GSK3B: variants seen among roughly 807,000 people sequenced by gnomAD.
The protein encoded by GSK3B is glycogen synthase kinase-3 beta.
A neutral mutation model predicts 56.4 loss-of-function variants in GSK3B; 15 were observed. That is an observed-to-expected ratio of 0.27 (90% CI 0.18 to 0.41). GSK3B has a LOEUF of 0.41. GSK3B is among the 10% of genes least tolerant of loss of function. GSK3B has a pLI of 1.00. For synonymous variants in GSK3B, 181 were observed against 188.9 expected (o/e 0.96, Z 0.34); for missense variants, 300 against 513.4 (o/e 0.58, Z 4.02).
intron 3 of GSK3B, among the ~76,000 whole-genome samples, chr3:119,940,095 AGTGTGTGTGTGTGTTTGTGTGT>A (rs1436486365): frequency 7.5e-6 from 1 of 133,880 alleles, no homozygotes; most frequent in Non-Finnish European, 1.5e-5. Context: ...CAGTAACAAA[AGTGTGTGTGTGTGTTTGTGTGT>A]GTGTGTGTGT....
chr3:120,018,531 G>GTTAA (rs1160758009), intron 1 of GSK3B, among the ~76,000 whole-genome samples: 1 of 152,148 alleles, frequency 6.6e-6, no homozygotes, highest in African/African-American at 2.4e-5. Context: ...AGACTGTGTA[G>GTTAA]TATTAAAAAC....
intron 2 of GSK3B, among the ~76,000 whole-genome samples, chr3:119,972,924 A>C (rs2057380560): frequency 6.6e-6 from 1 of 152,178 alleles, no homozygotes; most frequent in Admixed American, 6.6e-5. Context: ...TGTTTGTCTA[A>C]ATAATAGTTT....
intron 8 of GSK3B, among the ~76,000 whole-genome samples, chr3:119,869,805 C>T (rs1577327712): frequency 6.6e-6 from 1 of 152,268 alleles, no homozygotes; most frequent in Middle Eastern, 3.4e-3. Flanking sequence ...TTTCTAAGCA[C>T]CTACTAACGA....
At chr3:119,974,679 C>T (rs1197043127) in intron 2 of GSK3B, among the ~76,000 whole-genome samples, 1 of 152,142 alleles carries the variant, frequency 6.6e-6, no homozygotes, top group Non-Finnish European at 1.5e-5. Flanking sequence ...GAACAGATAC[C>T]TCATCAAAAG....
At chr3:119,840,834 G>C (rs1162390826) in intron 10 of GSK3B, among the ~76,000 whole-genome samples, 1 of 152,180 alleles carries the variant, frequency 6.6e-6, no homozygotes, top group Non-Finnish European at 1.5e-5. Context: ...TTCATTTACT[G>C]TATCTCTTTC....
At chr3:119,882,197 A>C (rs944178814) in intron 7 of GSK3B, among the ~76,000 whole-genome samples, 9 of 152,086 alleles carry the variant, frequency 5.9e-5, no homozygotes, top group Admixed American at 5.2e-4. Flanking sequence ...TCCTAATAGA[A>C]GCAAATCTGT....
intron 1 of GSK3B, among the ~76,000 whole-genome samples, chr3:120,057,239 A>T (rs994899223): frequency 2.0e-5 from 3 of 152,238 alleles, no homozygotes; most frequent in Non-Finnish European, 2.9e-5. Context: ...AATTTTTTTT[A>T]AATTATAATA....
At chr3:120,011,035 C>T (rs2057774525) in intron 1 of GSK3B, among the ~76,000 whole-genome samples, 1 of 152,224 alleles carries the variant, frequency 6.6e-6, no homozygotes, top group South Asian at 2.1e-4. Context: ...TGCCACTGTA[C>T]TCCAGCCTGG....
chr3:119,837,371 T>C (rs1342272273), intron 10 of GSK3B, among the ~76,000 whole-genome samples: 2 of 151,480 alleles, frequency 1.3e-5, no homozygotes, highest in Non-Finnish European at 2.9e-5. Context: ...TTCACCATGT[T>C]GGCCAGGATG....
intron 1 of GSK3B, among the ~76,000 whole-genome samples, chr3:120,019,159 A>C (rs2057851526): frequency 6.6e-6 from 1 of 152,210 alleles, no homozygotes. Context: ...CATTCAAAAA[A>C]TATATTTTCT....
chr3:120,023,808 G>A (rs893855361), intron 1 of GSK3B, among the ~76,000 whole-genome samples: 2 of 152,136 alleles, frequency 1.3e-5, no homozygotes, highest in African/African-American at 2.4e-5. Context: ...GTCAAGAGCA[G>A]CCAATTTCAT....
chr3:119,854,067 CAT>C (rs1012588670), intron 9 of GSK3B, among the ~76,000 whole-genome samples: 26 of 151,790 alleles, frequency 1.7e-4, no homozygotes, highest in African/African-American at 6.0e-4. Context: ...TTGTCATAAA[CAT>C]GTTATTAATT....
intron 1 of GSK3B, among the ~76,000 whole-genome samples, chr3:120,074,969 G>A (rs749363836): frequency 6.6e-6 from 1 of 152,164 alleles, no homozygotes; most frequent in African/African-American, 2.4e-5. Flanking sequence ...CAGTATCTCT[G>A]ATGAACACTG....
At chr3:120,024,247 A>G (rs1278261570) in intron 1 of GSK3B, among the ~76,000 whole-genome samples, 13 of 152,100 alleles carry the variant, frequency 8.5e-5, no homozygotes, top group Non-Finnish European at 8.8e-5. Context: ...GAGGTGGGAG[A>G]ACTGCTTGAG....
chr3:119,910,478 A>T (rs1322526443), intron 6 of GSK3B, among the ~76,000 whole-genome samples: 1 of 143,672 alleles, frequency 7.0e-6, no homozygotes, highest in Non-Finnish European at 1.5e-5. Flanking sequence ...CTTTATTACT[A>T]AAAAAAAATG....
At chr3:119,896,203 C>A (rs1467345745) in intron 7 of GSK3B, among the ~76,000 whole-genome samples, 1 of 151,128 alleles carries the variant, frequency 6.6e-6, no homozygotes, top group Non-Finnish European at 1.5e-5. Flanking sequence ...TCTTTTCTTA[C>A]TAAATAAAAA....
At chr3:119,970,880 A>C (rs1239559361) in intron 2 of GSK3B, among the ~76,000 whole-genome samples, 3 of 152,196 alleles carry the variant, frequency 2.0e-5, no homozygotes, top group African/African-American at 4.8e-5. Flanking sequence ...CTATTTCTGT[A>C]AATACTCTGA....
At chr3:119,889,236 G>A (rs113737864) in intron 7 of GSK3B, among the ~76,000 whole-genome samples, 70 of 152,130 alleles carry the variant, frequency 4.6e-4, no homozygotes, top group African/African-American at 1.5e-3. Context: ...TGTCACCCCC[G>A]GAGGCCGAGC....
chr3:120,038,525 C>A (rs917859867), intron 1 of GSK3B, among the ~76,000 whole-genome samples: 4 of 151,628 alleles, frequency 2.6e-5, no homozygotes, highest in Admixed American at 2.6e-4. Flanking sequence ...GACTCTGTCT[C>A]AAAAAAACAT....
Sources: allele counts gnomAD v4.1 joint callset (sites outside exome capture counted in the v4.1 genomes callset), GRCh38; gene constraint gnomAD v4.1.1; transcripts MANE v1.5; gene names NCBI Gene and HGNC (gene_info 2026-07-23, HGNC 2026-07-21).